The following IMPDH1 variants were observed in gnomAD, a reference collection of about 807,000 sequenced individuals.
The protein encoded by IMPDH1 is inosine-5'-monophosphate dehydrogenase 1.
IMPDH1 carries 41 observed loss-of-function variants against 73.5 expected under a neutral mutation model. The ratio of observed to expected loss-of-function variants is 0.56; its 90% confidence interval spans 0.43 to 0.72. The LOEUF (loss-of-function observed/expected upper bound fraction) is 0.72. IMPDH1 is among the 30% of genes least tolerant of loss of function. The pLI, the probability that IMPDH1 is intolerant of heterozygous loss-of-function variation, is 0.00. For missense variants in IMPDH1, 645 were observed against 824.8 expected, an observed-to-expected ratio of 0.78 and a Z score of 2.67; for synonymous variants, 318 against 334.3, an observed-to-expected ratio of 0.95 and a Z score of 0.53.
intron 3 of IMPDH1, among the ~76,000 whole-genome samples, chr7:128,408,265 T>C (rs1266396442): frequency 6.6e-6 from 1 of 152,150 alleles, no homozygotes; most frequent in Non-Finnish European, 1.5e-5. Context: ...GAGGGCTCTA[T>C]CAGGCCTGGG....
At chr7:128,401,179 C>A in intron 5 of IMPDH1, 63 bp from the exon 6 acceptor site, 3 of 1,237,856 alleles carry the variant, frequency 2.4e-6, no homozygotes, top group Non-Finnish European at 1.2e-6. Flanking sequence ...ACTCACTGAG[C>A]TCCTACATGC....
intron 5 of IMPDH1, among the ~76,000 whole-genome samples, chr7:128,401,929 T>G (rs1347501451): frequency 6.6e-6 from 1 of 152,160 alleles, no homozygotes; most frequent in Non-Finnish European, 1.5e-5. Context: ...GTGCAGACTT[T>G]GCTATGTAAT....
chr7:128,394,296 C>G lies in IMPDH1; in HGVS notation c.1760G>C (p.Gly587Ala). ...KRTMSAQIEGGVHGLHSYEKR... is the reference protein window; with the variant it reads ...KRTMSAQIEGAVHGLHSYEKR... ...CACTTACGAGTGCAGGCCATGGACA[C>G]CACCCTCAATCTGGGCCGACATGGT... The change falls in exon 16 of 17, where the codon GGT becomes GCT. Residue 587 changes from glycine to alanine, a missense_variant. Gly to Ala is a moderately conservative substitution (Grantham distance 60, BLOSUM62 0). This residue lies in a region of IMPDH1 where 459 missense variants were observed against 638.2 expected (regional missense o/e 0.72). Coordinates refer to ENST00000338791, the MANE Select transcript of IMPDH1 (RefSeq NM_000883.4). The surrounding 1 kb of genome is among the most constrained non-coding windows in gnomAD (Gnocchi z 5.5). The G allele has an allele frequency of 6.2e-7, 1 of 1,614,068 alleles. No homozygotes were observed. Among genetic ancestry groups the G allele is most frequent in the Non-Finnish European group, 8.5e-7 (1 of 1,179,990 alleles).
At position 128,409,870 on chromosome 7, in the gene IMPDH1, T is replaced by G; in HGVS notation, c.32A>C (p.Gln11Pro). 2 of 1,486,178 alleles carry G rather than the reference T, an allele frequency of 1.3e-6. No individual in the cohort carries two copies. Among genetic ancestry groups the G allele is most frequent in the Non-Finnish European group, 1.8e-6 (2 of 1,124,750 alleles). The allele number at this position is 1,486,178 out of a possible 1,614,324, so 92.1% of individuals were successfully genotyped here. A position where few individuals can be genotyped will look rare whatever the true frequency, so the allele number is the denominator to read the frequency against. Residue 11 changes from glutamine (Q) to proline (P), a missense_variant, in exon 1 of 17, where the codon CAG becomes CCG. Physicochemically the swap from Gln to Pro is moderately conservative, Grantham distance 76 (BLOSUM62 -1). Transcript: ENST00000338791. ...CGGAACAGCGGCGGCTCCGCCTCCC[T>G]GCAGCGGTGGTGGAGTGAGTGGCCC... MEGPLTPPPL[Q>P]GGGAAAVPEP... is the part of the protein sequence containing the mutation.
rs765746859 is a variant in IMPDH1, at chr7:128,394,949, C to T, written c.1490G>A (p.Arg497Gln). The T allele has an allele frequency of 9.9e-6, 16 of 1,613,618 alleles. No individual in the cohort carries two copies. The highest frequency in any genetic ancestry group is 1.7e-4 in the Middle Eastern group (1 of 5,996). The change falls in exon 14 of 17, where the codon CGG becomes CAG. Residue 497 changes from arginine (R) to glutamine (Q), a missense_variant. Arg to Gln is a conservative substitution (Grantham distance 43, BLOSUM62 1). Transcript: ENST00000338791. The surrounding 1 kb of genome is among the most constrained non-coding windows in gnomAD (Gnocchi z 5.5). ...CATGGCATCCAGTGAGCCCATGCCC[C>T]GGTACTTCTTGAGCCGCACCCCGTC... Reference protein sequence around the residue: ...FSDGVRLKKYRGMGSLDAMEK... With the variant: ...FSDGVRLKKYQGMGSLDAMEK...
intron 12 of IMPDH1, among the ~76,000 whole-genome samples, chr7:128,395,947 G>A (rs1015831175): frequency 6.6e-6 from 1 of 152,212 alleles, no homozygotes; most frequent in Non-Finnish European, 1.5e-5. Flanking sequence ...ACCAAAAGGG[G>A]GAGCTGTTTG....
In IMPDH1 at chr7:128,394,449, C is replaced by T. The variant is rs1196131691; in HGVS notation, c.1694+7G>A. The T allele has an allele frequency of 3.1e-6, 5 of 1,613,970 alleles. No homozygotes were observed. The highest frequency in any genetic ancestry group is 4.2e-6 in the Non-Finnish European group (5 of 1,180,022). ...AAGCAGGAGCCACCCCCAGTCTCAG[C>T]ACTCACCGAAGGACAGACAGGCTGC... is the stretch of plus-strand genomic sequence containing the variant. On this transcript the variant is annotated splice_region_variant and intron_variant, in intron 15 of 16. Coordinates refer to ENST00000338791, the MANE Select transcript of IMPDH1 (RefSeq NM_000883.4). This position sits in a 1 kb window ranked among gnomAD's most constrained non-coding sequence, Gnocchi z 5.5.
At position 128,394,829 on chromosome 7, in the gene IMPDH1, T is replaced by C. The variant is rs995129813; in HGVS notation, c.1550+60A>G. 4.4e-6 allele frequency: 7 copies of C among 1,598,258 alleles called. No individual in the cohort carries two copies. The highest frequency in any genetic ancestry group is 5.1e-6 in the Non-Finnish European group (6 of 1,170,790). ...CTGCCATCTGGGGAAGTCGGTGGCA[T>C]GAGCGGGCCCTGAAGGGTTGTGGGC... On this transcript the variant is annotated intron_variant, in intron 14 of 16. Coordinates refer to ENST00000338791, the MANE Select transcript of IMPDH1 (RefSeq NM_000883.4). The surrounding 1 kb of genome is among the most constrained non-coding windows in gnomAD (Gnocchi z 5.5).
chr7:128,400,108 C>G lies in IMPDH1; in HGVS notation c.861G>C (p.Gln287His), dbSNP rs770434775. Residue 287 changes from glutamine (Q) to histidine (H), a missense_variant, in exon 9 of 17, where the codon CAG becomes CAC. Around this residue, in one of 2 missense-constraint regions of IMPDH1, gnomAD observed 459 missense variants for 638.2 expected, o/e 0.72. Coordinates refer to ENST00000338791, the MANE Select transcript of IMPDH1 (RefSeq NM_000883.4). ...VTLKEANEILQRSKKGKLPIV... is the reference protein window; with the variant it reads ...VTLKEANEILHRSKKGKLPIV... The stretch of plus-strand genomic sequence containing the variant: ...GCTCCCTGGTACCTTTCTTGCTACG[C>G]TGCAGGATCTCATTTGCCTCTTTCA... 6.2e-7 allele frequency: 1 copy of G among 1,612,942 alleles called. No homozygotes were observed. Among genetic ancestry groups the G allele is most frequent in the Non-Finnish European group, 8.5e-7 (1 of 1,179,690 alleles).
chr7:128,398,656 G>C lies in IMPDH1; in HGVS notation c.875-43C>G, dbSNP rs765832524. ...GGTGAAATGAAGCAGGCTTGGTGGG[G>C]AGAAGTTTGGGAGATGTTTAGGAGG... On this transcript the variant is annotated intron_variant, in intron 9 of 16. Coordinates refer to ENST00000338791, the MANE Select transcript of IMPDH1 (RefSeq NM_000883.4). This position sits in a 1 kb window ranked among gnomAD's most constrained non-coding sequence, Gnocchi z 4.3. The C allele has an allele frequency of 6.5e-7, 1 of 1,532,856 alleles. No individual in the cohort carries two copies. The highest frequency in any genetic ancestry group is 1.1e-5 in the South Asian group (1 of 89,418). 95.0% of individuals were successfully genotyped at this position (1,532,856 alleles called of 1,614,324 possible).
chr7:128,396,991 ATC>A lies in IMPDH1; in HGVS notation c.1104_1105del (p.Gln368HisfsTer32), dbSNP rs1163581025. On this transcript the variant is annotated frameshift_variant, in exon 11 of 17. Transcript: ENST00000338791. LOFTEE classifies it high-confidence loss of function. The surrounding 1 kb of genome is among the most constrained non-coding windows in gnomAD (Gnocchi z 4.0). ...CTGTTTGATGTAATGCACCATGGCG[ATC>A]TGATACACCGAATTCCCTTGGGACG... is the stretch of plus-strand genomic sequence containing the variant. 1 of 1,613,942 alleles carries A rather than the reference ATC, an allele frequency of 6.2e-7. No homozygotes were observed.
At chr7:128,403,778 T>C (rs1584745147) in intron 4 of IMPDH1, 24 bp from the exon 5 acceptor site, 3 of 1,611,126 alleles carry the variant, frequency 1.9e-6, no homozygotes, top group East Asian at 4.5e-5. Context: ...GAAGTGAGTG[T>C]TATTAGTGGG....
rs1055242631 is a variant in IMPDH1, at chr7:128,398,696, G to A, written c.875-83C>T. On this transcript the variant is annotated intron_variant, in intron 9 of 16. Transcript: ENST00000338791. The surrounding 1 kb of genome is among the most constrained non-coding windows in gnomAD (Gnocchi z 4.3). ...TGTTTAGGAGGGTGAAGATGAAAGT[G>A]GACCACTCCAGAGATTCCACTGAAG... is the stretch of plus-strand genomic sequence containing the variant. The A allele has an allele frequency of 8.8e-7, 1 of 1,139,382 alleles. No homozygotes were observed. 70.6% of individuals were successfully genotyped at this position (1,139,382 alleles called of 1,614,324 possible). A position where few individuals can be genotyped will look rare whatever the true frequency, so the allele number is the denominator to read the frequency against.
chr7:128,404,103 ACTT>A (rs1798535031), intron 4 of IMPDH1, among the ~76,000 whole-genome samples: 1 of 152,162 alleles, frequency 6.6e-6, no homozygotes, highest in African/African-American at 2.4e-5. Flanking sequence ...GCCTTTGAAA[ACTT>A]CTCAATCTTG....
chr7:128,401,901 C>T (rs1461918429), intron 5 of IMPDH1, among the ~76,000 whole-genome samples: 1 of 152,154 alleles, frequency 6.6e-6, no homozygotes, highest in East Asian at 1.9e-4. Context: ...GTAGTGGATC[C>T]CAGTCCCCAA....
In IMPDH1 at chr7:128,403,386, C is replaced by T. The variant is rs143883473; in HGVS notation, c.402+320G>A. 2.3e-3 allele frequency among the ~76,000 whole-genome samples: 355 copies of T among 152,230 alleles called. 1 individual carries two copies. Among genetic ancestry groups the T allele is most frequent in the East Asian group, 0.022 (112 of 5,186 alleles). On this transcript the variant is annotated intron_variant, in intron 5 of 16. Transcript: ENST00000338791. ...CAGCCTGGCCAACATGGTGAAACCC[C>T]GTCTCCACTAAAAACACAAAAATTA...
Position 128,394,062 on chromosome 7 carries a change from C to G in IMPDH1, c.1778+216G>C, listed in dbSNP as rs763441794. ...TCCTGTGCCCTGCTCGGGAGAGGCC[C>G]GAGGGGAGGGGAGGGCCTGCTTGCA... On this transcript the variant is annotated intron_variant, in intron 16 of 16. Coordinates refer to ENST00000338791, the MANE Select transcript of IMPDH1 (RefSeq NM_000883.4). The surrounding 1 kb of genome is among the most constrained non-coding windows in gnomAD (Gnocchi z 5.5). Among the ~76,000 whole-genome samples, 1 of 152,106 alleles carries G rather than the reference C, an allele frequency of 6.6e-6. No individual in the cohort carries two copies. The highest frequency in any genetic ancestry group is 2.4e-5 in the African/African-American group (1 of 41,420).
rs201403467 is a variant in IMPDH1, at chr7:128,394,392, G to A, written c.1695-31C>T. On this transcript the variant is annotated intron_variant, in intron 15 of 16. Transcript: ENST00000338791. The surrounding 1 kb of genome is among the most constrained non-coding windows in gnomAD (Gnocchi z 5.5). ...AGGAAGGTAGGTGGAGCAGATCAGG[G>A]CCACCAAGGGTGGAGAAGAGCGAGA... is the stretch of plus-strand genomic sequence containing the variant. 1.4e-3 allele frequency: 2,210 copies of A among 1,610,324 alleles called. 4 individuals carry two copies. The highest frequency in any genetic ancestry group is 1.7e-3 in the Non-Finnish European group (2,034 of 1,176,658).
Position 128,394,433 on chromosome 7 carries a change from C to A in IMPDH1, c.1694+23G>T. The stretch of plus-strand genomic sequence containing the variant: ...AAGAGCGAGAGAAAGGAAGCAGGAG[C>A]CACCCCCAGTCTCAGCACTCACCGA... On this transcript the variant is annotated intron_variant, in intron 15 of 16. Transcript: ENST00000338791. This position sits in a 1 kb window ranked among gnomAD's most constrained non-coding sequence, Gnocchi z 5.5. 2.5e-6 allele frequency: 4 copies of A among 1,614,042 alleles called. No homozygotes were observed. The highest frequency in any genetic ancestry group is 3.4e-6 in the Non-Finnish European group (4 of 1,179,994).
Sources: gnomAD v4.1 joint callset for allele counts (sites outside exome capture counted in the v4.1 genomes callset) on GRCh38, gnomAD v4.1.1 for gene constraint, gnomAD v4.1.1 regional missense constraint, Gnocchi (gnomAD v3.1) non-coding constraint, MANE v1.5 for transcripts, NCBI Gene and HGNC (gene_info 2026-07-23, HGNC 2026-07-21) for gene names.